The following FBXL7 variants were observed in gnomAD, a reference collection of about 807,000 sequenced individuals.
FBXL7 encodes the protein F-box and leucine rich repeat protein 7, also known as F-box/LRR-repeat protein 7.
FBXL7 carries 12 observed loss-of-function variants against 38.3 expected under a neutral mutation model. The observed-to-expected ratio is 0.31, with a 90% CI of 0.20 to 0.51. The LOEUF is 0.51. Ranked by LOEUF, FBXL7 falls within the 20% of genes least tolerant of loss-of-function variation. FBXL7 has a pLI of 0.98. For missense variants in FBXL7, 567 were observed against 676.4 expected (o/e 0.84, Z 1.79); for synonymous variants, 297 against 300.9 (o/e 0.99, Z 0.13).
intron 2 of FBXL7, among the ~76,000 whole-genome samples, chr5:15,695,925 A>G (rs964116583): frequency 6.6e-6 from 1 of 152,196 alleles, no homozygotes; most frequent in Non-Finnish European, 1.5e-5. Context: ...GTTCTGTGAA[A>G]TACCAGGTGT....
chr5:15,864,682 G>GT lies in FBXL7; in HGVS notation c.128-63206dup, dbSNP rs1739629200. 7.9e-5 allele frequency among the ~76,000 whole-genome samples: 12 copies of GT among 152,314 alleles called. No individual in the cohort carries two copies. In the South Asian group the frequency reaches 2.5e-3, roughly 32 times the overall value. On this transcript the variant is annotated intron_variant, in intron 2 of 3. Coordinates refer to ENST00000504595, the MANE Select transcript of FBXL7 (RefSeq NM_012304.5). Reference sequence around the variant, plus strand: ...AGTGTCACAGAACAAGTAGAATAAAGTTACTGGGAGGAACCAGAAAAGTAG... The same window carrying GT: ...AGTGTCACAGAACAAGTAGAATAAAGTTTACTGGGAGGAACCAGAAAAGTAG...
chr5:15,619,789 A>G (rs565832196), intron 2 of FBXL7, among the ~76,000 whole-genome samples: 59 of 152,226 alleles, frequency 3.9e-4, no homozygotes, highest in Non-Finnish European at 5.9e-4. Context: ...AGCATTTTGC[A>G]GAAGTGTTGG....
intron 1 of FBXL7, among the ~76,000 whole-genome samples, chr5:15,581,169 C>T (rs955926504): frequency 6.6e-6 from 1 of 152,192 alleles, no homozygotes; most frequent in Non-Finnish European, 1.5e-5. Flanking sequence ...CTGAGTACCA[C>T]ATTAGGCATG....
intron 1 of FBXL7, among the ~76,000 whole-genome samples, chr5:15,518,959 T>C (rs1003459706): frequency 2.0e-5 from 3 of 152,156 alleles, no homozygotes; most frequent in African/African-American, 7.2e-5. Context: ...TACTTGTCCC[T>C]AGGAACTTGC....
intron 1 of FBXL7, among the ~76,000 whole-genome samples, chr5:15,545,380 A>G (rs1240794333): frequency 6.6e-6 from 1 of 152,228 alleles, no homozygotes; most frequent in Non-Finnish European, 1.5e-5. Flanking sequence ...AATTAGGAGC[A>G]ATGGAGTAAT....
intron 2 of FBXL7, among the ~76,000 whole-genome samples, chr5:15,686,948 G>A (rs1415458810): frequency 6.6e-6 from 1 of 152,130 alleles, no homozygotes; most frequent in African/African-American, 2.4e-5. Context: ...TCTCTATCTG[G>A]GCCAGAGAAA....
In FBXL7 at chr5:15,539,733, T is replaced by C. The variant is rs184622038; in HGVS notation, c.37+39020T>C. On this transcript the variant is annotated intron_variant, in intron 1 of 3. Coordinates refer to ENST00000504595, the MANE Select transcript of FBXL7 (RefSeq NM_012304.5). ...AGCTAAATCTCCTAGGCTTTTTTTT[T>C]CCCCCTAATTAAAAGATATTGTACA... is the stretch of plus-strand genomic sequence containing the variant. 3.7e-4 allele frequency among the ~76,000 whole-genome samples: 56 copies of C among 151,424 alleles called. 1 individual carries two copies. In the East Asian group the frequency reaches 6.6e-3, roughly 18 times the overall value.
intron 1 of FBXL7, among the ~76,000 whole-genome samples, chr5:15,519,930 G>A (rs994026616): frequency 2.0e-5 from 3 of 152,192 alleles, no homozygotes; most frequent in Non-Finnish European, 4.4e-5. Flanking sequence ...GAAGAAAGTA[G>A]ATGAGTAAAA....
At chr5:15,631,351 G>A (rs1302709862) in intron 2 of FBXL7, among the ~76,000 whole-genome samples, 1 of 152,148 alleles carries the variant, frequency 6.6e-6, no homozygotes, top group African/African-American at 2.4e-5. Context: ...TGAGAAATGA[G>A]AGCAGCATTT....
chr5:15,902,912 G>A (rs1224855988), intron 2 of FBXL7, among the ~76,000 whole-genome samples: 2 of 152,226 alleles, frequency 1.3e-5, no homozygotes, highest in African/African-American at 2.4e-5. Context: ...AGTAGGTCTA[G>A]GCAGTCAGAG....
At chr5:15,859,962 A>G (rs984063162) in intron 2 of FBXL7, among the ~76,000 whole-genome samples, 3 of 152,246 alleles carry the variant, frequency 2.0e-5, no homozygotes, top group Admixed American at 6.5e-5. Flanking sequence ...CCTCTTTATC[A>G]ATAAAACTCA....
intron 1 of FBXL7, among the ~76,000 whole-genome samples, chr5:15,565,096 G>C (rs1157225664): frequency 6.6e-6 from 1 of 151,930 alleles, no homozygotes; most frequent in East Asian, 1.9e-4. Flanking sequence ...GAAAGAAAAA[G>C]GCATATGATC....
chr5:15,810,798 C>A (rs1436023181), intron 2 of FBXL7, among the ~76,000 whole-genome samples: 3 of 152,112 alleles, frequency 2.0e-5, no homozygotes, highest in Non-Finnish European at 2.9e-5. Context: ...TCTTTCTCTT[C>A]CCAACTCTAA....
rs1028943825 is a variant in FBXL7 at position 15,918,318 on chromosome 5, T to C, written c.128-9572T>C. Among the ~76,000 whole-genome samples the C allele has an allele frequency of 1.3e-4, 20 of 152,294 alleles. 1 individual carries two copies. The highest frequency in any genetic ancestry group is 4.8e-4 in the African/African-American group (20 of 41,574). Reference sequence around the variant, plus strand: ...ACTAAGAAGTTGTTTGATAAAACCATGAAGAGTCTGATGGATTATAATCTA... The same window carrying C: ...ACTAAGAAGTTGTTTGATAAAACCACGAAGAGTCTGATGGATTATAATCTA... On this transcript the variant is annotated intron_variant, in intron 2 of 3. Transcript: ENST00000504595.
intron 2 of FBXL7, among the ~76,000 whole-genome samples, chr5:15,712,622 G>A (rs1022853244): frequency 4.0e-5 from 6 of 151,638 alleles, no homozygotes; most frequent in Admixed American, 2.6e-4. Context: ...TCAAAATTTA[G>A]AAGAAAATTT....
intron 2 of FBXL7, among the ~76,000 whole-genome samples, chr5:15,852,775 G>A (rs1378953020): frequency 6.6e-6 from 1 of 151,728 alleles, no homozygotes; most frequent in Non-Finnish European, 1.5e-5. Flanking sequence ...GATAATTCCA[G>A]TTCTAGGATT....
chr5:15,918,498 T>C (rs987058057), intron 2 of FBXL7, among the ~76,000 whole-genome samples: 5 of 152,240 alleles, frequency 3.3e-5, no homozygotes, highest in Non-Finnish European at 5.9e-5. Flanking sequence ...TTATGGATTT[T>C]AGAACAATGT....
Position 15,929,642 on chromosome 5 carries a change from A to G in FBXL7, c.739+1141A>G, listed in dbSNP as rs928766648. On this transcript the variant is annotated intron_variant, in intron 3 of 3. Transcript: ENST00000504595. ...CTGTCTCTGAAAAAAAAAAAAAAAA[A>G]AAAGAAAAATCGAAGGAAATCCCAG... Among the ~76,000 whole-genome samples, 474 of 141,054 alleles carry G rather than the reference A, an allele frequency of 3.4e-3. 3 individuals carry two copies. Among genetic ancestry groups the G allele is most frequent in the African/African-American group, 0.011 (413 of 38,386 alleles). The allele number at this position is 141,054 out of a possible 152,430, so 92.5% of individuals were successfully genotyped here. A position where few individuals can be genotyped will look rare whatever the true frequency, so the allele number is the denominator to read the frequency against.
intron 1 of FBXL7, among the ~76,000 whole-genome samples, chr5:15,567,517 A>G (rs1037150687): frequency 6.6e-6 from 1 of 152,030 alleles, no homozygotes; most frequent in South Asian, 2.1e-4. Flanking sequence ...GCATTCAGTG[A>G]CCGTTACTTG....
Sources: gnomAD v4.1 joint callset for allele counts (sites outside exome capture counted in the v4.1 genomes callset) on GRCh38, gnomAD v4.1.1 for gene constraint, MANE v1.5 for transcripts, NCBI Gene and HGNC (gene_info 2026-07-23, HGNC 2026-07-21) for gene names.